Variants in DST observed in about 807,000 individuals in gnomAD.
DST encodes bullous pemphigoid antigen.
Under a neutral mutation model 875.2 loss-of-function variants are expected in DST, and 253 were observed. The observed-to-expected ratio is 0.29, with a 90% CI of 0.26 to 0.32. The LOEUF (loss-of-function observed/expected upper bound fraction) is 0.32, where lower values mean the gene tolerates loss of function less well. Among genes scored for constraint, DST ranks in the 10% least tolerant of loss-of-function variants. The pLI is 1.00. For synonymous variants in DST, 3,124 were observed against 3,197.1 expected (o/e 0.98, Z 0.77); for missense variants, 8,287 against 9,111.6 (o/e 0.91, Z 3.68).
chr6:56,770,032 C>G (rs957160395), intron 4 of DST, among the ~76,000 whole-genome samples: 7 of 152,132 alleles, frequency 4.6e-5, no homozygotes, highest in African/African-American at 1.7e-4. Context: ...ATTGATGTTC[C>G]TTTGCTGACT....
At chr6:56,897,695 T>G (rs1470672205) in intron 3 of DST, among the ~76,000 whole-genome samples, 1 of 152,174 alleles carries the variant, frequency 6.6e-6, no homozygotes, top group Non-Finnish European at 1.5e-5. Flanking sequence ...TGTCCATCTC[T>G]TCCTTGCTCA....
At chr6:56,784,826 C>T (rs912630679) in intron 4 of DST, among the ~76,000 whole-genome samples, 16 of 152,212 alleles carry the variant, frequency 1.1e-4, no homozygotes, top group African/African-American at 3.9e-4. Flanking sequence ...TCCAGTTTTT[C>T]TGCTCTGTTT....
chr6:56,482,413 T>G (rs1442046308), intron 89 of DST: 2 of 530,596 alleles, frequency 3.8e-6, no homozygotes, highest in East Asian at 6.5e-5. Context: ...ACAACTTGAT[T>G]TTAGATGAAT....
chr6:56,818,123 G>A (rs1265301269), intron 4 of DST, among the ~76,000 whole-genome samples: 1 of 152,140 alleles, frequency 6.6e-6, no homozygotes, highest in Non-Finnish European at 1.5e-5. Flanking sequence ...GCTGATACCT[G>A]TAAGGTCCAT....
chr6:56,673,637 T>C (rs1417527989), intron 9 of DST, among the ~76,000 whole-genome samples: 1 of 152,206 alleles, frequency 6.6e-6, no homozygotes, highest in Admixed American at 6.5e-5. Context: ...GTTAAATAAG[T>C]TTCCAATAGA....
At chr6:56,793,930 T>C (rs1049491336) in intron 4 of DST, among the ~76,000 whole-genome samples, 2 of 152,212 alleles carry the variant, frequency 1.3e-5, no homozygotes, top group East Asian at 3.8e-4. Flanking sequence ...AAGAAAATGG[T>C]ATTTTAAATG....
chr6:56,497,725 T>G, intron 81 of DST, 131 bp downstream of exon 81: 1 of 987,486 alleles, frequency 1.0e-6, no homozygotes, highest in Non-Finnish European at 1.5e-6. Flanking sequence ...TTCTGTTCTT[T>G]ATTTCACTTA....
Position 56,636,562 on chromosome 6 carries a change from A to C in DST, c.3055T>G (p.Phe1019Val). 2 of 1,612,530 alleles carry C rather than the reference A, an allele frequency of 1.2e-6. No homozygotes were observed. Among genetic ancestry groups the C allele is most frequent in the Non-Finnish European group, 1.7e-6 (2 of 1,179,676 alleles). Residue 1019 changes from phenylalanine to valine, a missense_variant, in exon 23 of 104, where the codon TTC becomes GTC. Transcript: ENST00000680361. ...TTATGATTCTACTCACATACCTCGAAATACGCTGTGTTCTCCTTTATGTGC... is the reference window on the plus strand; with the variant it reads ...TTATGATTCTACTCACATACCTCGACATACGCTGTGTTCTCCTTTATGTGC... The part of the protein sequence containing the change: ...EQHIKENTAY[F>V]EFFNDAKEAT...
intron 90 of DST, among the ~76,000 whole-genome samples, chr6:56,481,597 C>T (rs985915455): frequency 6.6e-6 from 1 of 152,128 alleles, no homozygotes; most frequent in Non-Finnish European, 1.5e-5. Context: ...AAAATAGATT[C>T]AAAGATGAGT....
intron 4 of DST, among the ~76,000 whole-genome samples, chr6:56,826,811 C>T (rs757736513): frequency 4.6e-5 from 7 of 152,194 alleles, no homozygotes; most frequent in Non-Finnish European, 8.8e-5. Context: ...ATTCTACCCA[C>T]AGGAAAGATT....
In DST at chr6:56,474,028, C is replaced by A. The variant is rs537747401; in HGVS notation, c.21865-26G>T. Reference sequence around the variant, plus strand: ...CTGAAATGAAAGAAATGATGTCAATCAAATAAGAGTTACTACAGAAAACCG... The same window carrying A: ...CTGAAATGAAAGAAATGATGTCAATAAAATAAGAGTTACTACAGAAAACCG... On this transcript the variant is annotated intron_variant, in intron 92 of 103. Coordinates refer to ENST00000680361, the MANE Select transcript of DST (RefSeq NM_001374736.1). 23 of 1,556,416 alleles carry A rather than the reference C, an allele frequency of 1.5e-5. No individual in the cohort carries two copies. In the African/African-American group the frequency reaches 3.0e-4, roughly 20 times the overall value.
At chr6:56,514,106 T>G (rs1024238199) in intron 72 of DST, among the ~76,000 whole-genome samples, 1 of 152,210 alleles carries the variant, frequency 6.6e-6, no homozygotes, top group African/African-American at 2.4e-5. Context: ...TTAAAGATTA[T>G]GCAAAAAGGC....
chr6:56,734,547 A>C (rs1228397202), intron 5 of DST, among the ~76,000 whole-genome samples: 1 of 152,214 alleles, frequency 6.6e-6, no homozygotes, highest in East Asian at 1.9e-4. Flanking sequence ...CCAATAGTTT[A>C]TTGTGAAATC....
intron 4 of DST, among the ~76,000 whole-genome samples, chr6:56,775,398 A>G (rs139919123): frequency 1.3e-5 from 2 of 152,316 alleles, no homozygotes; most frequent in East Asian, 3.9e-4. Flanking sequence ...CATCCTAATT[A>G]CATAGACAAT....
intron 4 of DST, chr6:56,843,039 G>C (rs1199017554): frequency 6.9e-7 from 1 of 1,448,726 alleles, no homozygotes; most frequent in Admixed American, 1.9e-5. Flanking sequence ...GCAGCCCCAG[G>C]GCAGGGACCA....
chr6:56,624,446 T>C (rs1430432230), intron 36 of DST, 84 bp downstream of exon 36: 2 of 850,734 alleles, frequency 2.4e-6, no homozygotes, highest in African/African-American at 1.7e-5. Context: ...TCATGAAACA[T>C]GTTTTGCTTT....
At chr6:56,858,889 A>C (rs1234078534) in intron 3 of DST, among the ~76,000 whole-genome samples, 2 of 152,224 alleles carry the variant, frequency 1.3e-5, no homozygotes, top group East Asian at 3.8e-4. Context: ...AGGGATATTA[A>C]GTAACTTGTC....
At chr6:56,742,321 T>C (rs1266385641) in intron 4 of DST, 4 of 1,289,798 alleles carry the variant, frequency 3.1e-6, no homozygotes, top group South Asian at 2.5e-5. Flanking sequence ...TTGATCATTT[T>C]TCATGAGCTG....
At chr6:56,808,250 G>GT in intron 4 of DST, among the ~76,000 whole-genome samples, 1 of 150,002 alleles carries the variant, frequency 6.7e-6, no homozygotes, top group Admixed American at 6.6e-5. Flanking sequence ...ACAGTACTTT[G>GT]TTTAAAAAAA....
Sources: gnomAD v4.1 joint callset for allele counts (sites outside exome capture counted in the v4.1 genomes callset) on GRCh38, gnomAD v4.1.1 for gene constraint, MANE v1.5 for transcripts, NCBI Gene and HGNC (gene_info 2026-07-23, HGNC 2026-07-21) for gene names.